The following EIF4G3 variants were observed in gnomAD, a reference collection of about 807,000 sequenced individuals.
EIF4G3 encodes eukaryotic translation initiation factor 4 gamma 3.
Under a neutral mutation model 186.4 loss-of-function variants are expected in EIF4G3, and 34 were observed. The observed-to-expected ratio is 0.18, with a 90% CI of 0.14 to 0.24. The LOEUF is 0.24. Among genes scored for constraint, EIF4G3 ranks in the 10% least tolerant of loss-of-function variants. The pLI is 1.00. For missense variants in EIF4G3, 1,536 were observed against 1,948.5 expected (o/e 0.79, Z 3.99); for synonymous variants, 673 against 679.5 (o/e 0.99, Z 0.15).
intron 16 of EIF4G3, among the ~76,000 whole-genome samples, chr1:20,896,258 C>T (rs770979198): frequency 3.3e-5 from 5 of 151,502 alleles, no homozygotes; most frequent in Admixed American, 6.6e-5. Flanking sequence ...TGTAGTAAGA[C>T]CTAATCTCTA....
intron 4 of EIF4G3, among the ~76,000 whole-genome samples, chr1:21,028,782 T>C (rs1253469269): frequency 1.3e-5 from 2 of 152,184 alleles, no homozygotes; most frequent in African/African-American, 4.8e-5. Context: ...TAAGCACAGT[T>C]CAGGATATGA....
In EIF4G3 at chr1:20,997,645, A is replaced by C. The variant is rs1463955251; in HGVS notation, c.145-12T>G. 2 of 1,539,082 alleles carry C rather than the reference A, an allele frequency of 1.3e-6. No homozygotes were observed. The stretch of plus-strand genomic sequence containing the variant: ...GGCCCCGCTGCAAACTGAGAAAAGG[A>C]GGGAAAACAAACACAAAAGGAAAGG... On this transcript the variant is annotated splice_polypyrimidine_tract_variant and intron_variant, in intron 6 of 36. Coordinates refer to ENST00000602326, the MANE Select transcript of EIF4G3 (RefSeq NM_001391906.1).
chr1:21,083,985 T>C (rs2095874669), intron 3 of EIF4G3, among the ~76,000 whole-genome samples: 1 of 152,024 alleles, frequency 6.6e-6, no homozygotes, highest in Non-Finnish European at 1.5e-5. Context: ...GACATCAACA[T>C]ATTCTACTGA....
chr1:20,817,287 T>A (rs7532687), intron 34 of EIF4G3, 105 bp downstream of exon 34: 27,779 of 367,536 alleles, frequency 0.076, 3,659 homozygotes, highest in African/African-American at 0.45. Flanking sequence ...TAAAAAAAAA[T>A]AAAAATAAAA....
intron 20 of EIF4G3, among the ~76,000 whole-genome samples, chr1:20,876,987 A>G (rs1478145737): frequency 3.9e-5 from 6 of 152,248 alleles, no homozygotes; most frequent in Admixed American, 6.5e-5. Flanking sequence ...GTCTCAAGCA[A>G]AATACATAAA....
intron 16 of EIF4G3, among the ~76,000 whole-genome samples, chr1:20,896,483 A>G (rs1200006004): frequency 6.6e-6 from 1 of 151,552 alleles, no homozygotes; most frequent in Non-Finnish European, 1.5e-5. Flanking sequence ...AAAAAGAAAT[A>G]TTTTTGCATA....
intron 14 of EIF4G3, among the ~76,000 whole-genome samples, chr1:20,935,440 A>T (rs2095489181): frequency 1.3e-5 from 2 of 152,228 alleles, no homozygotes; most frequent in South Asian, 4.1e-4. Context: ...ATATTGAAGG[A>T]AATGTATTTT....
intron 19 of EIF4G3, among the ~76,000 whole-genome samples, chr1:20,882,410 C>T (rs1490371959): frequency 4.0e-5 from 6 of 151,806 alleles, no homozygotes; most frequent in South Asian, 2.1e-4. Context: ...ACTTGAGGCC[C>T]GGAGTTCCAG....
chr1:21,115,100 T>C (rs1193307369), intron 2 of EIF4G3, among the ~76,000 whole-genome samples: 2 of 152,214 alleles, frequency 1.3e-5, no homozygotes, highest in Non-Finnish European at 2.9e-5. Flanking sequence ...TATAATCTTA[T>C]CATGTGTTCA....
intron 4 of EIF4G3, among the ~76,000 whole-genome samples, chr1:21,025,185 G>A (rs1238589954): frequency 6.6e-6 from 1 of 152,158 alleles, no homozygotes; most frequent in Non-Finnish European, 1.5e-5. Context: ...AAGTGCATGA[G>A]GTAGAGTGAG....
chr1:21,054,071 A>G (rs377009709), intron 3 of EIF4G3, among the ~76,000 whole-genome samples: 44 of 152,284 alleles, frequency 2.9e-4, no homozygotes, highest in East Asian at 7.7e-4. Context: ...GATGGTTGCC[A>G]TGTCTGTGTA....
At chr1:21,157,375 TG>T (rs1267096368) in intron 2 of EIF4G3, among the ~76,000 whole-genome samples, 2 of 152,104 alleles carry the variant, frequency 1.3e-5, no homozygotes, top group African/African-American at 4.8e-5. Flanking sequence ...TTTTTTTGTT[TG>T]TTTTTTTTTA....
intron 7 of EIF4G3, among the ~76,000 whole-genome samples, chr1:20,990,785 C>T (rs10916918): frequency 0.028 from 4,329 of 152,188 alleles, 201 homozygotes; most frequent in African/African-American, 0.096. Flanking sequence ...ACTGGGAAAC[C>T]AAAAAATTCA....
At chr1:20,841,825 T>C (rs2068695045) in intron 29 of EIF4G3, among the ~76,000 whole-genome samples, 1 of 144,742 alleles carries the variant, frequency 6.9e-6, no homozygotes, top group Non-Finnish European at 1.5e-5. Flanking sequence ...TCACAATCTT[T>C]TGGTTCAACC....
intron 14 of EIF4G3, among the ~76,000 whole-genome samples, chr1:20,918,303 G>A (rs1405486914): frequency 2.6e-5 from 4 of 152,062 alleles, no homozygotes; most frequent in African/African-American, 4.8e-5. Flanking sequence ...TTGAATTACC[G>A]GGTTCAAGCA....
chr1:21,082,285 G>C (rs1211820330), intron 3 of EIF4G3, among the ~76,000 whole-genome samples: 1 of 151,478 alleles, frequency 6.6e-6, no homozygotes, highest in African/African-American at 2.4e-5. Context: ...CATATGCTAA[G>C]GCAGTAGGAG....
Position 21,043,007 on chromosome 1 carries a change from T to A in EIF4G3, c.-67+7859A>T, listed in dbSNP as rs1167515611. ...AATAAATTAGTGGCACTAAAGTGAG[T>A]TTTTCCCCCAAATCTGTGGGAAATA... On this transcript the variant is annotated intron_variant, in intron 4 of 36. Coordinates refer to ENST00000602326, the MANE Select transcript of EIF4G3 (RefSeq NM_001391906.1). Among the ~76,000 whole-genome samples the A allele has an allele frequency of 2.6e-5, 4 of 152,140 alleles. No individual in the cohort carries two copies. In the East Asian group the frequency reaches 7.7e-4, roughly 29 times the overall value.
chr1:21,003,682 G>C (rs2084222013), intron 4 of EIF4G3: 1 of 353,802 alleles, frequency 2.8e-6, no homozygotes, highest in East Asian at 8.9e-5. Context: ...TTTTTTTCTA[G>C]ATCTTTGAGT....
At chr1:20,914,244 G>A (rs1008772008) in intron 14 of EIF4G3, among the ~76,000 whole-genome samples, 5 of 152,054 alleles carry the variant, frequency 3.3e-5, no homozygotes, top group Admixed American at 6.5e-5. Flanking sequence ...TTGTGAATAC[G>A]TAGCCCTACC....
Sources: gnomAD v4.1 joint callset for allele counts (sites outside exome capture counted in the v4.1 genomes callset) on GRCh38, gnomAD v4.1.1 for gene constraint, MANE v1.5 for transcripts, NCBI Gene and HGNC (gene_info 2026-07-23, HGNC 2026-07-21) for gene names.